The following KIAA0319 variants were observed in gnomAD, a reference collection of about 807,000 sequenced individuals.
The protein encoded by KIAA0319 is dyslexia-associated protein KIAA0319.
KIAA0319 carries 83 observed loss-of-function variants against 108.4 expected under a neutral mutation model. The ratio of observed to expected loss-of-function variants is 0.77; its 90% CI spans 0.64 to 0.92. KIAA0319 has a LOEUF of 0.92. KIAA0319 is among the 40% of genes least tolerant of loss of function. The pLI, the probability that KIAA0319 is intolerant of heterozygous loss-of-function variation, is 0.00. For synonymous variants in KIAA0319, 484 were observed against 510.4 expected (o/e 0.95, Z 0.70); for missense variants, 1,195 against 1,322.4 (o/e 0.90, Z 1.49).
Position 24,576,607 on chromosome 6 carries a change from G to T in KIAA0319, c.1506-11C>A, listed in dbSNP as rs1561974651. ...TCTGTAACAGTCAACCTACAAAAAG[G>T]AGAAGAAGCCGTAGTTGGAAGAATA... On this transcript the variant is annotated splice_polypyrimidine_tract_variant and intron_variant, in intron 9 of 20. Transcript: ENST00000378214. 2 of 1,607,190 alleles carry T rather than the reference G, an allele frequency of 1.2e-6. No homozygotes were observed. Among genetic ancestry groups the T allele is most frequent in the South Asian group, 2.2e-5 (2 of 90,948 alleles).
intron 1 of KIAA0319, among the ~76,000 whole-genome samples, chr6:24,625,846 G>A (rs1774637953): frequency 6.6e-6 from 1 of 152,056 alleles, no homozygotes; most frequent in East Asian, 1.9e-4. Flanking sequence ...AAGTACTTAG[G>A]AATAAATTTA....
In KIAA0319 at chr6:24,599,087, G is replaced by A. The variant is rs1770205706; in HGVS notation, c.55+1962C>T. The A allele has an allele frequency of 2.8e-6, 2 of 718,136 alleles. No individual in the cohort carries two copies. Among genetic ancestry groups the A allele is most frequent in the Admixed American group, 2.0e-5 (1 of 49,576 alleles). The allele number at this position is 718,136 out of a possible 1,614,324, so 44.5% of individuals were successfully genotyped here. On this transcript the variant is annotated intron_variant, in intron 2 of 20. Transcript: ENST00000378214. This position sits in a 1 kb window ranked among gnomAD's most constrained non-coding sequence, Gnocchi z 4.1. ...CCCAGATCTGGGACACATCTGTGGT[G>A]CTGTCCATGGACAACAGCTGGTCCC...
At chr6:24,590,180 TTG>T (rs897569893) in intron 3 of KIAA0319, among the ~76,000 whole-genome samples, 1 of 152,126 alleles carries the variant, frequency 6.6e-6, no homozygotes, top group African/African-American at 2.4e-5. Context: ...GGCATACATT[TTG>T]TGCTTGGAGG....
At chr6:24,611,127 G>C (rs1772247308) in intron 1 of KIAA0319, among the ~76,000 whole-genome samples, 1 of 151,476 alleles carries the variant, frequency 6.6e-6, no homozygotes, top group Non-Finnish European at 1.5e-5. Flanking sequence ...TCAGGGTTGG[G>C]AGATTGGAAG....
intron 19 of KIAA0319, among the ~76,000 whole-genome samples, chr6:24,553,308 CA>C (rs1761824898): frequency 9.1e-6 from 1 of 109,546 alleles, no homozygotes; most frequent in Non-Finnish European, 1.8e-5. Flanking sequence ...CACACACACA[CA>C]CACACACACA....
intron 1 of KIAA0319, among the ~76,000 whole-genome samples, chr6:24,632,825 T>A (rs1775745023): frequency 6.6e-6 from 1 of 152,240 alleles, no homozygotes; most frequent in South Asian, 2.1e-4. Context: ...AGAGGATTAC[T>A]GATAAATATG....
intron 8 of KIAA0319, among the ~76,000 whole-genome samples, chr6:24,578,696 G>T (rs1455319443): frequency 1.3e-5 from 2 of 152,186 alleles, no homozygotes; most frequent in African/African-American, 4.8e-5. Context: ...TCCAGAGAAA[G>T]CTCACAGCCT....
rs1459181236 is a variant in KIAA0319 at position 24,588,714 on chromosome 6, T to A, written c.873A>T (p.Pro291=). The A allele has an allele frequency of 1.2e-6, 2 of 1,614,032 alleles. No homozygotes were observed. The highest frequency in any genetic ancestry group is 1.1e-5 in the South Asian group (1 of 91,066). ...TACTCCCCGGGGTGACTGTGAGCAC[T>A]GGGCTTTTCTCCACGGTGACTGAGC... ...ELSSVTVEKS[P]VLTVTPGSTE... The change falls in exon 4 of 21, where the codon CCA becomes CCT. Residue 291 remains proline, a synonymous_variant. Transcript: ENST00000378214.
chr6:24,614,454 AG>A (rs975240047), intron 1 of KIAA0319, among the ~76,000 whole-genome samples: 148 of 152,300 alleles, frequency 9.7e-4, no homozygotes, highest in African/African-American at 3.3e-3. Context: ...TATCACCACA[AG>A]TGCAACTATG....
Position 24,547,212 on chromosome 6 carries a change from A to T in KIAA0319, c.3172T>A (p.Ser1058Thr), listed in dbSNP as rs1218002268. 3.1e-6 allele frequency: 5 copies of T among 1,614,164 alleles called. No individual in the cohort carries two copies. Among genetic ancestry groups the T allele is most frequent in the Non-Finnish European group, 4.2e-6 (5 of 1,180,006 alleles). ...CTGAAGGAAGCTCCATTTCTGATGG[A>T]ACCATTCATGGAAACCTTTGGATTC... ...RGNPKVSMNG[S>T]IRNGASFSYC... The change falls in exon 21 of 21, where the codon TCC becomes ACC. Residue 1058 changes from serine to threonine, a missense_variant. Transcript: ENST00000378214.
chr6:24,593,775 CAG>C (rs1768929481), intron 3 of KIAA0319, among the ~76,000 whole-genome samples: 3 of 152,068 alleles, frequency 2.0e-5, no homozygotes, highest in African/African-American at 7.2e-5. Flanking sequence ...AGCTTGATTT[CAG>C]AGAGTTCCAT....
intron 8 of KIAA0319, among the ~76,000 whole-genome samples, chr6:24,579,227 T>C (rs1453856072): frequency 6.6e-6 from 1 of 151,948 alleles, no homozygotes; most frequent in East Asian, 1.9e-4. Flanking sequence ...TGGACACCTG[T>C]AGTTAACACA....
intron 1 of KIAA0319, among the ~76,000 whole-genome samples, chr6:24,639,053 C>G (rs1308759157): frequency 1.3e-5 from 2 of 151,988 alleles, no homozygotes; most frequent in East Asian, 3.9e-4. Context: ...GTAAATACAG[C>G]CAATTTTTAT....
rs540651358 is a variant in KIAA0319, at chr6:24,575,806, G to C, written c.1734+562C>G. On this transcript the variant is annotated intron_variant, in intron 10 of 20. Coordinates refer to ENST00000378214, the MANE Select transcript of KIAA0319 (RefSeq NM_014809.4). The stretch of plus-strand genomic sequence containing the variant: ...AACTTCAAAAACACCAAGCTGGTTA[G>C]CAACAAAAACAAATAGCTTTGCCAA... 9.9e-5 allele frequency among the ~76,000 whole-genome samples: 15 copies of C among 151,550 alleles called. No homozygotes were observed. In the South Asian group the frequency reaches 2.3e-3, roughly 23 times the overall value.
At chr6:24,593,013 A>T (rs1768759031) in intron 3 of KIAA0319, among the ~76,000 whole-genome samples, 1 of 152,150 alleles carries the variant, frequency 6.6e-6, no homozygotes, top group Non-Finnish European at 1.5e-5. Context: ...AAAAAACATT[A>T]TCTACTGGAT....
intron 1 of KIAA0319, among the ~76,000 whole-genome samples, chr6:24,603,649 T>C (rs899235816): frequency 6.6e-6 from 1 of 152,218 alleles, no homozygotes; most frequent in Middle Eastern, 3.4e-3. Context: ...GTAAGTGTTG[T>C]AGGGATGAAA....
chr6:24,579,410 A>ATATATATATATATATATATATATATAT (rs1561981471), intron 8 of KIAA0319, among the ~76,000 whole-genome samples: 4 of 87,996 alleles, frequency 4.5e-5, no homozygotes, highest in African/African-American at 1.3e-4. Context: ...CCTCTATATA[A>ATATATATATATATATATATATATATAT]AGATATATAT....
At position 24,547,004 on chromosome 6, in the gene KIAA0319, T is replaced by C; in HGVS notation, c.*161A>G. 1 of 677,340 alleles carries C rather than the reference T, an allele frequency of 1.5e-6. No individual in the cohort carries two copies. Among genetic ancestry groups the C allele is most frequent in the Non-Finnish European group, 2.5e-6 (1 of 401,594 alleles). 42.0% of individuals were successfully genotyped at this position (677,340 alleles called of 1,614,324 possible). ...AGTTAAAAGAGCAAAGTTTTTGTTT[T>C]GTGCCTTCAAAAACCGGTCTTTTAG... On this transcript the variant is annotated 3_prime_UTR_variant, in exon 21 of 21. Coordinates refer to ENST00000378214, the MANE Select transcript of KIAA0319 (RefSeq NM_014809.4).
At chr6:24,564,140 A>C in intron 15 of KIAA0319, 62 bp downstream of exon 15, 1 of 1,604,938 alleles carries the variant, frequency 6.2e-7, no homozygotes, top group South Asian at 1.1e-5. Context: ...CTGTCAGCGT[A>C]AAGACCCCAA....
Sources: gnomAD v4.1 joint callset for allele counts (sites outside exome capture counted in the v4.1 genomes callset) on GRCh38, gnomAD v4.1.1 for gene constraint, Gnocchi (gnomAD v3.1) non-coding constraint, MANE v1.5 for transcripts, NCBI Gene and HGNC (gene_info 2026-07-23, HGNC 2026-07-21) for gene names.